The following CFAP300 variants were observed in gnomAD, a reference collection of about 807,000 sequenced individuals.
CFAP300 encodes the protein cilia and flagella associated protein 300.
In CFAP300, 32 loss-of-function variants were observed where a neutral mutation model predicts 33.0. The ratio of observed to expected loss-of-function variants is 0.97; its 90% CI spans 0.73 to 1.30. The LOEUF is 1.30. Among genes scored for constraint, CFAP300 ranks in the 50% most tolerant of loss-of-function variants. The pLI, the probability that CFAP300 is intolerant of heterozygous loss-of-function variation, is 0.00. For missense variants in CFAP300, 356 were observed against 318.1 expected, an observed-to-expected ratio of 1.12 and a Z score of -0.90; for synonymous variants, 102 against 106.8, an observed-to-expected ratio of 0.95 and a Z score of 0.28.
chr11:102,065,686 G>A (rs992734936), intron 3 of CFAP300, among the ~76,000 whole-genome samples: 3 of 151,718 alleles, frequency 2.0e-5, no homozygotes, highest in African/African-American at 4.8e-5. Flanking sequence ...AGAATCGCTT[G>A]AACCAGGGAG....
chr11:102,065,167 C>T (rs1420660349), intron 3 of CFAP300, among the ~76,000 whole-genome samples: 3 of 151,990 alleles, frequency 2.0e-5, no homozygotes, highest in Non-Finnish European at 2.9e-5. Context: ...AGTGCAGTGG[C>T]GTCATCTCGG....
At chr11:102,051,843 C>T (rs1011920973) in intron 2 of CFAP300, among the ~76,000 whole-genome samples, 6 of 152,082 alleles carry the variant, frequency 3.9e-5, no homozygotes, top group African/African-American at 1.4e-4. Context: ...GTTATCACAC[C>T]CAGCCCACTT....
intron 3 of CFAP300, among the ~76,000 whole-genome samples, chr11:102,060,497 T>G (rs1942134255): frequency 6.6e-6 from 1 of 152,040 alleles, no homozygotes; most frequent in Non-Finnish European, 1.5e-5. Flanking sequence ...CCCAAACACT[T>G]AAACACTTAG....
chr11:102,068,381 A>G (rs1942259435), intron 4 of CFAP300, among the ~76,000 whole-genome samples: 1 of 152,236 alleles, frequency 6.6e-6, no homozygotes, highest in South Asian at 2.1e-4. Flanking sequence ...TAACTTAGTT[A>G]AAGAAGAAAA....
intron 2 of CFAP300, among the ~76,000 whole-genome samples, chr11:102,058,261 G>T (rs1036860184): frequency 2.0e-5 from 3 of 151,934 alleles, no homozygotes; most frequent in Non-Finnish European, 4.4e-5. Flanking sequence ...CTGGTGCCAA[G>T]AACTAAAGCT....
chr11:102,077,854 C>T (rs1381417027), intron 5 of CFAP300, among the ~76,000 whole-genome samples: 2 of 151,922 alleles, frequency 1.3e-5, no homozygotes, highest in Non-Finnish European at 2.9e-5. Context: ...GGATCACAGG[C>T]GTGAGCCACT....
At position 102,062,107 on chromosome 11, in the gene CFAP300, A is replaced by G. The variant is rs139526511; in HGVS notation, c.268+3152A>G. On this transcript the variant is annotated intron_variant, in intron 3 of 6. Transcript: ENST00000434758. ...TCATGGTGGGATTAATGCCTTTATA[A>G]TAAGAAGTAAAAGCACTAGAGCCAT... Among the ~76,000 whole-genome samples the G allele has an allele frequency of 6.1e-3, 929 of 152,316 alleles. 7 individuals are homozygous for G. The highest frequency in any genetic ancestry group is 0.014 in the Middle Eastern group (4 of 294).
At chr11:102,078,463 A>G (rs981381849) in intron 5 of CFAP300, among the ~76,000 whole-genome samples, 1 of 152,218 alleles carries the variant, frequency 6.6e-6, no homozygotes, top group Non-Finnish European at 1.5e-5. Flanking sequence ...AGAACACCAT[A>G]GAGCACTAAT....
chr11:102,078,549 G>A (rs1223150117), intron 5 of CFAP300, among the ~76,000 whole-genome samples: 2 of 151,870 alleles, frequency 1.3e-5, no homozygotes, highest in African/African-American at 4.8e-5. Flanking sequence ...TTCTTGCTAG[G>A]CCTATAAAAA....
In CFAP300 at chr11:102,058,897, A is replaced by C. The variant is rs374677826; in HGVS notation, c.210A>C (p.Pro70=). The C allele has an allele frequency of 1.5e-4, 234 of 1,585,744 alleles. 3 individuals carry two copies. In the South Asian group the frequency reaches 1.5e-3, roughly 10 times the overall value. ...TATTTTAGGCTTTTTTCAAAGACCC[A>C]AATGTTATTCCCAATTTGAAGTTAC... ...DDFVMAFFKD[P]NVIPNLKLLS... Residue 70 remains proline (P), a synonymous_variant, in exon 3 of 7, where the codon CCA becomes CCC. Transcript: ENST00000434758.
intron 4 of CFAP300, among the ~76,000 whole-genome samples, chr11:102,070,115 C>T (rs1301428853): frequency 1.3e-5 from 2 of 152,156 alleles, no homozygotes; most frequent in African/African-American, 4.8e-5. Context: ...GCCTCAATAA[C>T]ACATCATCAT....
At chr11:102,066,435 T>C (rs753290538) in intron 3 of CFAP300, 50 bp from the exon 4 acceptor site, 7 of 1,363,226 alleles carry the variant, frequency 5.1e-6, no homozygotes. Flanking sequence ...TAGTTGAGAA[T>C]ACTAAATTAA....
chr11:102,071,177 A>G (rs1942308349), intron 4 of CFAP300, among the ~76,000 whole-genome samples: 1 of 152,196 alleles, frequency 6.6e-6, no homozygotes, highest in Non-Finnish European at 1.5e-5. Flanking sequence ...CTCTTCTGTT[A>G]GCTCTAATAA....
chr11:102,061,967 T>C (rs1427035661), intron 3 of CFAP300, among the ~76,000 whole-genome samples: 2 of 152,150 alleles, frequency 1.3e-5, no homozygotes, highest in Non-Finnish European at 2.9e-5. Flanking sequence ...GAGTGAGTTG[T>C]GTCCCCACCC....
chr11:102,051,492 A>G (rs536233022), intron 2 of CFAP300, among the ~76,000 whole-genome samples: 2 of 152,320 alleles, frequency 1.3e-5, no homozygotes, highest in South Asian at 4.1e-4. Flanking sequence ...TAAGCTAAGC[A>G]TATTGCTGTC....
chr11:102,049,961 G>A (rs1475317338), intron 2 of CFAP300, among the ~76,000 whole-genome samples: 1 of 151,782 alleles, frequency 6.6e-6, no homozygotes, highest in Non-Finnish European at 1.5e-5. Flanking sequence ...GACCAGCCTG[G>A]GCAACATAGT....
chr11:102,063,262 A>C (rs551436677), intron 3 of CFAP300, among the ~76,000 whole-genome samples: 1 of 152,376 alleles, frequency 6.6e-6, no homozygotes, highest in East Asian at 1.9e-4. Flanking sequence ...TGAGCATTTA[A>C]GATCTAAAGG....
Position 102,047,518 on chromosome 11 carries a change from C to T in CFAP300, c.48C>T (p.Phe16=). Residue 16 remains phenylalanine, a synonymous_variant, in exon 1 of 7, where the codon TTC becomes TTT. Coordinates refer to ENST00000434758, the MANE Select transcript of CFAP300 (RefSeq NM_032930.3). ...ACTTGGGTGGCTACTACTTCAGGTT[C>T]TTGCCTCAGAAAACCTTCCAGTCTC... The part of the protein sequence containing the change: ...LGDLGGYYFR[F]LPQKTFQSLS... The T allele has an allele frequency of 3.3e-6, 5 of 1,536,036 alleles. No homozygotes were observed. Among genetic ancestry groups the T allele is most frequent in the Non-Finnish European group, 4.4e-6 (5 of 1,146,816 alleles).
Position 102,047,882 on chromosome 11 carries a change from G to C in CFAP300, c.178G>C (p.Asp60His). Reference protein sequence around the residue: ...FDQTFQSYRKDDFVMAFFKDP... With the variant: ...FDQTFQSYRKHDFVMAFFKDP... ...CCAGACCTTTCAGTCCTATCGGAAG[G>C]ATGATTTCGTTATGGTTAGTATGGG... Residue 60 changes from aspartate to histidine, a missense_variant, in exon 2 of 7, where the codon GAT (aspartate) becomes CAT (histidine). Physicochemically the swap from Asp to His is moderately conservative, Grantham distance 81. Coordinates refer to ENST00000434758, the MANE Select transcript of CFAP300 (RefSeq NM_032930.3). The C allele has an allele frequency of 3.7e-6, 6 of 1,614,206 alleles. No homozygotes were observed. The highest frequency in any genetic ancestry group is 5.1e-6 in the Non-Finnish European group (6 of 1,180,036).
Sources: gnomAD v4.1 joint callset for allele counts (sites outside exome capture counted in the v4.1 genomes callset) on GRCh38, gnomAD v4.1.1 for gene constraint, MANE v1.5 for transcripts, NCBI Gene and HGNC (gene_info 2026-07-23, HGNC 2026-07-21) for gene names.